Variants in TLN2 observed in about 807,000 individuals in gnomAD.
TLN2 encodes the protein talin-2.
Under a neutral mutation model 294.7 loss-of-function variants are expected in TLN2, and 118 were observed. That is an observed-to-expected ratio of 0.40 (90% CI 0.34 to 0.47). The LOEUF (loss-of-function observed/expected upper bound fraction) is 0.47, where lower values mean the gene tolerates loss of function less well. Ranked by LOEUF, TLN2 falls within the 20% of genes least tolerant of loss-of-function variation. The pLI is 0.84. For synonymous variants in TLN2, 1,431 were observed against 1,304.5 expected (o/e 1.10, Z -2.09); for missense variants, 3,083 against 3,282.2 (o/e 0.94, Z 1.48).
chr15:62,459,461 G>A (rs2036667969), intron 1 of TLN2, among the ~76,000 whole-genome samples: 1 of 152,082 alleles, frequency 6.6e-6, no homozygotes, highest in Admixed American at 6.5e-5. Flanking sequence ...TATTCCTCAA[G>A]CCCTGAATGT....
At position 62,837,078 on chromosome 15, in the gene TLN2, A is replaced by C. The variant is rs536748798; in HGVS notation, c.7374+1005A>C. Among the ~76,000 whole-genome samples the C allele has an allele frequency of 1.1e-4, 17 of 152,272 alleles. 1 individual carries two copies. The South Asian group carries it at 3.5e-3, about 32-fold the overall frequency. ...TTTTATTGTAAGTGTTAAAATGTAG[A>C]TTGTCTGTATTGCTAAAAGTATGTT... On this transcript the variant is annotated intron_variant, in intron 57 of 58. Coordinates refer to ENST00000636159, the MANE Select transcript of TLN2 (RefSeq NM_015059.3).
chr15:62,511,415 T>A (rs1383863030), intron 1 of TLN2, among the ~76,000 whole-genome samples: 1 of 152,234 alleles, frequency 6.6e-6, no homozygotes, highest in African/African-American at 2.4e-5. Context: ...AATTCTCCCT[T>A]TTTTTCTCAA....
intron 1 of TLN2, among the ~76,000 whole-genome samples, chr15:62,573,251 T>G (rs964606178): frequency 1.3e-5 from 2 of 152,134 alleles, no homozygotes; most frequent in African/African-American, 4.8e-5. Context: ...CCTTGTCTTC[T>G]CACTCTGGCA....
At chr15:62,642,735 T>C (rs1040337011) in intron 3 of TLN2, among the ~76,000 whole-genome samples, 9 of 151,390 alleles carry the variant, frequency 5.9e-5, no homozygotes, top group Non-Finnish European at 1.3e-4. Flanking sequence ...TCTTGCTCTG[T>C]CACCCAGGCT....
rs185715510 is a variant in TLN2, at chr15:62,837,045, C to T, written c.7374+972C>T. The stretch of plus-strand genomic sequence containing the variant: ...CTTTGGACATTTTGTTTCCAATTTT[C>T]GAGATTTTTTTATTGTAAGTGTTAA... On this transcript the variant is annotated intron_variant, in intron 57 of 58. Transcript: ENST00000636159. Among the ~76,000 whole-genome samples, 135 of 152,132 alleles carry T rather than the reference C, an allele frequency of 8.9e-4. 1 individual carries two copies. Among genetic ancestry groups the T allele is most frequent in the Middle Eastern group, 3.4e-3 (1 of 294 alleles).
intron 46 of TLN2, among the ~76,000 whole-genome samples, chr15:62,793,012 A>T (rs2065186553): frequency 6.6e-6 from 1 of 152,204 alleles, no homozygotes; most frequent in African/African-American, 2.4e-5. Context: ...GGACTATCCC[A>T]TGAAGGTCAG....
chr15:62,702,952 A>T, intron 19 of TLN2, 88 bp downstream of exon 19: 1 of 1,225,560 alleles, frequency 8.2e-7, no homozygotes, highest in Non-Finnish European at 1.2e-6. Context: ...TTGAAAACTA[A>T]CTAAATCTTT....
chr15:62,724,608 G>A (rs143716660), intron 26 of TLN2, among the ~76,000 whole-genome samples: 5 of 152,296 alleles, frequency 3.3e-5, no homozygotes, highest in Non-Finnish European at 5.9e-5. Flanking sequence ...TTCATTCACT[G>A]CATCTTTCCC....
At chr15:62,561,873 C>T (rs1248076754) in intron 1 of TLN2, among the ~76,000 whole-genome samples, 2 of 152,082 alleles carry the variant, frequency 1.3e-5, no homozygotes, top group East Asian at 3.9e-4. Flanking sequence ...TTCCCATCTT[C>T]AGATTTTAAC....
intron 48 of TLN2, among the ~76,000 whole-genome samples, chr15:62,799,123 CACGCACA>C: frequency 6.6e-6 from 1 of 152,288 alleles, no homozygotes; most frequent in East Asian, 1.9e-4. Flanking sequence ...GACCCAGAGC[CACGCACA>C]CAGGCATGGC....
intron 52 of TLN2, among the ~76,000 whole-genome samples, chr15:62,815,417 G>A (rs960773928): frequency 2.6e-5 from 4 of 152,296 alleles, no homozygotes; most frequent in Non-Finnish European, 4.4e-5. Context: ...AAGGAGAATC[G>A]ATGGAGATTC....
chr15:62,509,934 G>A (rs1489641437), intron 1 of TLN2, among the ~76,000 whole-genome samples: 3 of 152,154 alleles, frequency 2.0e-5, no homozygotes, highest in African/African-American at 7.2e-5. Context: ...TTTAGTTTGG[G>A]GTTTGGATAA....
intron 9 of TLN2, among the ~76,000 whole-genome samples, chr15:62,663,726 C>G (rs2054184869): frequency 6.6e-6 from 1 of 151,944 alleles, no homozygotes; most frequent in Admixed American, 6.5e-5. Flanking sequence ...CCAATGATCT[C>G]CAAGATCTCA....
chr15:62,537,879 T>C (rs1438282253), intron 1 of TLN2, among the ~76,000 whole-genome samples: 1 of 152,194 alleles, frequency 6.6e-6, no homozygotes, highest in Non-Finnish European at 1.5e-5. Flanking sequence ...CTCAGTGTCT[T>C]GCCCATTCCC....
Position 62,753,702 on chromosome 15 carries a change from G to T in TLN2, c.4333-71G>T, listed in dbSNP as rs1250120087. ...AGTGTGACAGCTGCATGTGTAGTGC[G>T]GACCATCATCCCCAGCAGGCTCACC... On this transcript the variant is annotated intron_variant, in intron 35 of 58. Coordinates refer to ENST00000636159, the MANE Select transcript of TLN2 (RefSeq NM_015059.3). The T allele has an allele frequency of 3.3e-6, 5 of 1,523,502 alleles. No individual in the cohort carries two copies. The African/African-American group carries it at 6.9e-5, about 21-fold the overall frequency. 94.4% of individuals were successfully genotyped at this position (1,523,502 alleles called of 1,614,324 possible). A position where few individuals can be genotyped will look rare whatever the true frequency, so the allele number is the denominator to read the frequency against.
Position 62,652,009 on chromosome 15 carries a change from T to C in TLN2, c.239T>C (p.Ile80Thr), listed in dbSNP as rs1314268954. ...LDYYMLRNGD[I>T]LEYKKKQRPQ... ...TGTATGTGGTTTGTGCTCTAGGATA[T>C]TTTGGAATATAAAAAGAAACAGAGA... The change falls in exon 6 of 59, where the codon ATT (isoleucine) becomes ACT (threonine). Residue 80 changes from isoleucine (I) to threonine (T), a missense_variant. Ile to Thr is a moderately conservative substitution (Grantham distance 89). Transcript: ENST00000636159. 6.2e-7 allele frequency: 1 copy of C among 1,608,882 alleles called. No individual in the cohort carries two copies. Among genetic ancestry groups the C allele is most frequent in the Admixed American group, 1.7e-5 (1 of 59,746 alleles).
chr15:62,597,397 T>G (rs1394292553), intron 2 of TLN2, among the ~76,000 whole-genome samples: 3 of 152,172 alleles, frequency 2.0e-5, no homozygotes, highest in Non-Finnish European at 4.4e-5. Flanking sequence ...GAGCCTGAAG[T>G]CCTCACCCTT....
rs576742758 is a variant in TLN2, at chr15:62,675,359, C to T, written c.957+38C>T. The T allele has an allele frequency of 3.2e-4, 503 of 1,595,866 alleles. 3 individuals carry two copies. The South Asian group carries it at 3.9e-3, about 12-fold the overall frequency. On this transcript the variant is annotated intron_variant, in intron 11 of 58. Transcript: ENST00000636159. ...GAATGGGGAGAGTGTTCACCTTGGC[C>T]CCTTCTTTTTTCTTTTGTTCAAGCG...
intron 2 of TLN2, among the ~76,000 whole-genome samples, chr15:62,608,735 G>A (rs2047658354): frequency 1.3e-5 from 2 of 152,072 alleles, no homozygotes; most frequent in South Asian, 4.1e-4. Flanking sequence ...AGGGAGGTCG[G>A]GGGTAGACTT....
Sources: allele counts gnomAD v4.1 joint callset (sites outside exome capture counted in the v4.1 genomes callset), GRCh38; gene constraint gnomAD v4.1.1; transcripts MANE v1.5; gene names NCBI Gene and HGNC (gene_info 2026-07-23, HGNC 2026-07-21).